The following DPYSL3 variants were observed in gnomAD, a reference collection of about 807,000 sequenced individuals.
DPYSL3 encodes dihydropyrimidinase-related protein 3.
In DPYSL3, 16 loss-of-function variants were observed where a neutral mutation model predicts 66.1. The observed-to-expected ratio is 0.24, with a 90% CI of 0.16 to 0.37. DPYSL3 has a LOEUF of 0.37. Among genes scored for constraint, DPYSL3 ranks in the 10% least tolerant of loss-of-function variants. The probability of loss-of-function intolerance (pLI) is 1.00; values close to 1 mark genes in which losing one functional copy is unlikely to be tolerated. For missense variants in DPYSL3, 738 were observed against 916.2 expected (o/e 0.81, Z 2.51); for synonymous variants, 338 against 345.1 (o/e 0.98, Z 0.23).
chr5:147,461,128 G>T (rs1309757417), intron 1 of DPYSL3, among the ~76,000 whole-genome samples: 2 of 152,124 alleles, frequency 1.3e-5, no homozygotes, highest in Non-Finnish European at 2.9e-5. Context: ...AACAGAAAAG[G>T]GCTACAAGGG....
intron 1 of DPYSL3, among the ~76,000 whole-genome samples, chr5:147,462,523 T>C (rs908668978): frequency 2.0e-5 from 3 of 152,152 alleles, no homozygotes; most frequent in African/African-American, 4.8e-5. Context: ...ATATCTCAGA[T>C]TGGGCATGCC....
intron 1 of DPYSL3, among the ~76,000 whole-genome samples, chr5:147,453,264 G>T (rs1330157865): frequency 6.6e-6 from 1 of 152,222 alleles, no homozygotes; most frequent in Admixed American, 6.5e-5. Flanking sequence ...CGAGCCCCGC[G>T]CTCCTGGGGA....
chr5:147,463,227 G>A (rs934959740), intron 1 of DPYSL3, among the ~76,000 whole-genome samples: 8 of 152,132 alleles, frequency 5.3e-5, no homozygotes, highest in African/African-American at 7.2e-5. Flanking sequence ...CTGGTTTACA[G>A]GTAGGCCATC....
At chr5:147,438,629 A>G (rs1257956188) in intron 1 of DPYSL3, among the ~76,000 whole-genome samples, 2 of 152,194 alleles carry the variant, frequency 1.3e-5, no homozygotes, top group African/African-American at 2.4e-5. Context: ...TCTCTTCCCA[A>G]TGATCACTAT....
chr5:147,490,594 C>T (rs1753400922), intron 1 of DPYSL3, among the ~76,000 whole-genome samples: 1 of 152,068 alleles, frequency 6.6e-6, no homozygotes, highest in Non-Finnish European at 1.5e-5. Context: ...GTCATCATTC[C>T]ATCCTAAAAA....
chr5:147,405,564 C>T lies in DPYSL3; in HGVS notation c.1153+46G>A, dbSNP rs1308029368. The T allele has an allele frequency of 2.5e-6, 4 of 1,581,378 alleles. No individual in the cohort carries two copies. In the Admixed American group the frequency reaches 5.3e-5, roughly 21 times the overall value. On this transcript the variant is annotated intron_variant, in intron 8 of 13. Transcript: ENST00000343218. Reference sequence around the variant, plus strand: ...CAGGACAACCAGAGAGGGAAGGAGCCACACAGTGCCATCAGGGGCTCCGAG... The same window carrying T: ...CAGGACAACCAGAGAGGGAAGGAGCTACACAGTGCCATCAGGGGCTCCGAG...
chr5:147,420,317 G>T (rs1038396651), intron 2 of DPYSL3, among the ~76,000 whole-genome samples: 25 of 152,184 alleles, frequency 1.6e-4, no homozygotes, highest in African/African-American at 4.6e-4. Context: ...ATAAAACACT[G>T]TTAGGTAACT....
intron 1 of DPYSL3, among the ~76,000 whole-genome samples, chr5:147,467,877 G>A (rs1301144455): frequency 2.0e-5 from 3 of 152,150 alleles, no homozygotes. Context: ...TCTGGTGAGT[G>A]GCCTATTCCT....
At chr5:147,477,892 ACTAAAATTG>A (rs1753183932) in intron 1 of DPYSL3, among the ~76,000 whole-genome samples, 1 of 152,076 alleles carries the variant, frequency 6.6e-6, no homozygotes, top group Non-Finnish European at 1.5e-5. Context: ...CTAAATCTTT[ACTAAAATTG>A]CAAAACTGCG....
At chr5:147,438,779 G>A (rs1561788329) in intron 1 of DPYSL3, among the ~76,000 whole-genome samples, 3 of 152,248 alleles carry the variant, frequency 2.0e-5, no homozygotes, top group Admixed American at 2.0e-4. Context: ...CAAGATGTAT[G>A]TTGTAACATG....
At chr5:147,465,260 T>TA (rs1454457353) in intron 1 of DPYSL3, among the ~76,000 whole-genome samples, 4 of 152,068 alleles carry the variant, frequency 2.6e-5, no homozygotes, top group Non-Finnish European at 5.9e-5. Context: ...GAATCTGAGC[T>TA]ATATGAAGAG....
intron 6 of DPYSL3, among the ~76,000 whole-genome samples, chr5:147,409,773 G>T (rs1470358914): frequency 6.6e-6 from 1 of 152,156 alleles, no homozygotes; most frequent in East Asian, 1.9e-4. Flanking sequence ...AGTGACCTGG[G>T]AGTACTCTGG....
intron 1 of DPYSL3, among the ~76,000 whole-genome samples, chr5:147,446,340 G>A (rs780904341): frequency 2.6e-5 from 4 of 152,174 alleles, no homozygotes; most frequent in Non-Finnish European, 4.4e-5. Flanking sequence ...TCCTTATTCC[G>A]CATCCAAGAA....
intron 10 of DPYSL3, among the ~76,000 whole-genome samples, chr5:147,399,495 T>C (rs998434431): frequency 6.6e-6 from 1 of 152,216 alleles, no homozygotes; most frequent in Non-Finnish European, 1.5e-5. Flanking sequence ...AGTATGCATT[T>C]TTTTCTATAT....
At chr5:147,487,325 T>G (rs567248690) in intron 1 of DPYSL3, among the ~76,000 whole-genome samples, 23 of 152,358 alleles carry the variant, frequency 1.5e-4, no homozygotes, top group African/African-American at 5.3e-4. Context: ...GTCAGATATG[T>G]ATTTAATTTT....
chr5:147,408,706 A>G (rs1472418719), intron 7 of DPYSL3, 22 bp downstream of exon 7: 3 of 1,612,374 alleles, frequency 1.9e-6, no homozygotes, highest in Non-Finnish European at 2.5e-6. Context: ...TTGTGTGTGC[A>G]CCTTCATCCC....
Sources: gnomAD v4.1 joint callset for allele counts (sites outside exome capture counted in the v4.1 genomes callset) on GRCh38, gnomAD v4.1.1 for gene constraint, MANE v1.5 for transcripts, NCBI Gene and HGNC (gene_info 2026-07-23, HGNC 2026-07-21) for gene names.